The following FRMD6 variants were observed in gnomAD, a reference collection of about 807,000 sequenced individuals.
FRMD6 encodes the protein FERM domain-containing protein 6.
A neutral mutation model predicts 73.2 loss-of-function variants in FRMD6; 37 were observed. The observed-to-expected ratio is 0.51, with a 90% confidence interval of 0.39 to 0.66. The LOEUF (loss-of-function observed/expected upper bound fraction) is 0.66, where lower values mean the gene tolerates loss of function less well. Among genes scored for constraint, FRMD6 ranks in the 30% least tolerant of loss-of-function variants. The pLI, the probability that FRMD6 is intolerant of heterozygous loss-of-function variation, is 0.00. For missense variants in FRMD6, 714 were observed against 780.5 expected (o/e 0.91, Z 1.02); for synonymous variants, 273 against 282.2 (o/e 0.97, Z 0.33).
chr14:51,596,881 C>A lies in FRMD6; in HGVS notation c.-147+26471C>A, dbSNP rs868614572. ...CTCATCCAAGGCAGACAGCACCCCGCATGTATACGTGGGGTCCTCAGATCT... is the reference window on the plus strand; with the variant it reads ...CTCATCCAAGGCAGACAGCACCCCGAATGTATACGTGGGGTCCTCAGATCT... On this transcript the variant is annotated intron_variant, in intron 2 of 14. Transcript: ENST00000356218. 3.9e-4 allele frequency among the ~76,000 whole-genome samples: 60 copies of A among 152,338 alleles called. 1 individual carries two copies. In the South Asian group the frequency reaches 4.1e-3, roughly 11 times the overall value.
At chr14:51,523,051 G>A (rs1302827481) in intron 1 of FRMD6, 5 of 152,048 alleles carry the variant, frequency 3.3e-5, no homozygotes, top group African/African-American at 1.2e-4. Context: ...AATCATCTCT[G>A]GGAATTAGAA....
chr14:51,603,216 C>A (rs749988482), intron 2 of FRMD6, among the ~76,000 whole-genome samples: 4 of 151,570 alleles, frequency 2.6e-5, no homozygotes, highest in Non-Finnish European at 4.4e-5. Context: ...TTCCCAGCGC[C>A]CAGAACTATA....
intron 1 of FRMD6, among the ~76,000 whole-genome samples, chr14:51,549,677 G>C (rs1193735113): frequency 7.5e-6 from 1 of 133,784 alleles, no homozygotes; most frequent in Non-Finnish European, 1.6e-5. Context: ...CTCACTGCAG[G>C]CTCCGCCCCC....
chr14:51,538,373 C>G (rs1316967715), intron 1 of FRMD6, among the ~76,000 whole-genome samples: 2 of 151,862 alleles, frequency 1.3e-5, no homozygotes, highest in African/African-American at 2.4e-5. Context: ...CGGTGGTGTA[C>G]TTTGAAGCAC....
intron 1 of FRMD6, among the ~76,000 whole-genome samples, chr14:51,523,346 A>G (rs542318638): frequency 6.6e-6 from 1 of 152,192 alleles, no homozygotes; most frequent in Non-Finnish European, 1.5e-5. Context: ...CAGAAAAAAA[A>G]GGTGCCTTGG....
the FRMD6 span, among the ~76,000 whole-genome samples, chr14:51,398,720 T>G: frequency 6.6e-6 from 1 of 152,136 alleles, no homozygotes; most frequent in African/African-American, 2.4e-5. Context: ...ATGCTAATAA[T>G]CCTCTCTGAA....
At chr14:51,401,754 T>A in the FRMD6 span, among the ~76,000 whole-genome samples, 1 of 152,222 alleles carries the variant, frequency 6.6e-6, no homozygotes, top group African/African-American at 2.4e-5. Flanking sequence ...CTGTGATGAA[T>A]TTAAAGAAAC....
chr14:51,453,320 G>A, the FRMD6 span, among the ~76,000 whole-genome samples: 1 of 152,056 alleles, frequency 6.6e-6, no homozygotes, highest in Non-Finnish European at 1.5e-5. Context: ...ACTGTGGGAG[G>A]GAGGACAGGT....
chr14:51,439,660 T>C, the FRMD6 span, among the ~76,000 whole-genome samples: 2 of 152,164 alleles, frequency 1.3e-5, no homozygotes, highest in Non-Finnish European at 1.5e-5. Flanking sequence ...TTAACCACAA[T>C]TGGTTCAGAC....
chr14:51,461,477 C>T, the FRMD6 span, among the ~76,000 whole-genome samples: 2 of 152,196 alleles, frequency 1.3e-5, no homozygotes, highest in African/African-American at 4.8e-5. Context: ...CAGAACTATT[C>T]AGACATTTGA....
intron 2 of FRMD6, among the ~76,000 whole-genome samples, chr14:51,621,491 C>A (rs1361133196): frequency 1.3e-5 from 2 of 152,174 alleles, no homozygotes; most frequent in African/African-American, 2.4e-5. Context: ...GCCAGAAGAT[C>A]TTTTTAACTA....
chr14:51,651,122 C>T (rs1455952725), upstream of FRMD6: 1 of 152,714 alleles, frequency 6.5e-6, no homozygotes, highest in Non-Finnish European at 1.5e-5. Context: ...TCTCGCCCTC[C>T]ATCCCCCAAA....
intron 1 of FRMD6, among the ~76,000 whole-genome samples, chr14:51,684,522 G>T (rs1895020941): frequency 6.6e-6 from 1 of 152,138 alleles, no homozygotes; most frequent in Non-Finnish European, 1.5e-5. Context: ...ACAGCTGGAT[G>T]GTAAAAAGTA....
chr14:51,636,255 T>C (rs1891555599), intron 2 of FRMD6, among the ~76,000 whole-genome samples: 1 of 152,212 alleles, frequency 6.6e-6, no homozygotes, highest in Admixed American at 6.5e-5. Flanking sequence ...ATCAAGGTTG[T>C]TTTGACCTAA....
At chr14:51,521,842 C>G (rs1316449531) in intron 1 of FRMD6, among the ~76,000 whole-genome samples, 1 of 152,038 alleles carries the variant, frequency 6.6e-6, no homozygotes, top group Non-Finnish European at 1.5e-5. Flanking sequence ...CTTTAACTGA[C>G]CAAGATAAAT....
intron 7 of FRMD6, among the ~76,000 whole-genome samples, chr14:51,708,871 C>T (rs948271030): frequency 2.0e-5 from 3 of 152,158 alleles, no homozygotes; most frequent in African/African-American, 7.2e-5. Flanking sequence ...GGCTGTGAGC[C>T]TAAGGCACTG....
rs980948236 is a variant in FRMD6, at chr14:51,558,155, T to G, written c.-209-12193T>G. On this transcript the variant is annotated intron_variant, in intron 1 of 14. Transcript: ENST00000356218. ...ACCATTAATATATACAATTTTCATT[T>G]TTTAATAAATACCTTTTTAAAAATT... Among the ~76,000 whole-genome samples, 38 of 152,198 alleles carry G rather than the reference T, an allele frequency of 2.5e-4. 1 individual carries two copies. Among genetic ancestry groups the G allele is most frequent in the African/African-American group, 9.2e-4 (38 of 41,442 alleles).
chr14:51,507,666 A>G (rs1331968213), intron 1 of FRMD6, among the ~76,000 whole-genome samples: 1 of 152,030 alleles, frequency 6.6e-6, no homozygotes, highest in East Asian at 1.9e-4. Flanking sequence ...CTTCCCCACT[A>G]ATGTGTTTTA....
intron 2 of FRMD6, among the ~76,000 whole-genome samples, chr14:51,691,264 T>C (rs184371245): frequency 6.6e-6 from 1 of 152,336 alleles, no homozygotes; most frequent in East Asian, 1.9e-4. Context: ...TGTTGATGGA[T>C]AGATATTGAG....
Sources: gnomAD v4.1 joint callset for allele counts (sites outside exome capture counted in the v4.1 genomes callset) on GRCh38, gnomAD v4.1.1 for gene constraint, MANE v1.5 for transcripts, NCBI Gene and HGNC (gene_info 2026-07-23, HGNC 2026-07-21) for gene names.